GLYATL2: variants seen among roughly 807,000 people sequenced by gnomAD.
GLYATL2 encodes glycine N-acyltransferase-like protein 2.
In GLYATL2, 25 loss-of-function variants were observed where a neutral mutation model predicts 21.4. That is an observed-to-expected ratio of 1.17 (90% CI 0.85 to 1.63). The LOEUF (loss-of-function observed/expected upper bound fraction) is 1.63. Ranked by LOEUF, GLYATL2 falls within the 40% of genes most tolerant of loss-of-function variation. The pLI is 0.00. For synonymous variants in GLYATL2, 114 were observed against 118.2 expected, an observed-to-expected ratio of 0.96 and a Z score of 0.23; for missense variants, 361 against 343.3, an observed-to-expected ratio of 1.05 and a Z score of -0.41.
chr11:58,848,551 T>C (rs1185744346), upstream of GLYATL2, among the ~76,000 whole-genome samples: 1 of 152,178 alleles, frequency 6.6e-6, no homozygotes, highest in African/African-American at 2.4e-5. Context: ...AAAAATGCAA[T>C]TGTCATACTG....
intron 1 of GLYATL2, among the ~76,000 whole-genome samples, chr11:58,875,547 G>A (rs1258199173): frequency 6.6e-6 from 1 of 152,142 alleles, no homozygotes; most frequent in Non-Finnish European, 1.5e-5. Context: ...CTTCACTTAT[G>A]AAGCTTAGTT....
Position 58,891,314 on chromosome 11 carries a change from A to G in GLYATL2, n.60+12842T>C, listed in dbSNP as rs537340899. Among the ~76,000 whole-genome samples, 9 of 152,342 alleles carry G rather than the reference A, an allele frequency of 5.9e-5. No individual in the cohort carries two copies. The South Asian group carries it at 1.7e-3, about 28-fold the overall frequency. ...CTTGCCATGAAGTTTGTGGCTTACCAGAATGGGATCACAAGTCTCTTTCTT... is the reference window on the plus strand; with the variant it reads ...CTTGCCATGAAGTTTGTGGCTTACCGGAATGGGATCACAAGTCTCTTTCTT... On this transcript the variant is annotated intron_variant and non_coding_transcript_variant, in intron 1 of 4. Transcript: ENST00000533636.
Position 58,872,881 on chromosome 11 carries a change from G to A in GLYATL2, n.60+31275C>T, listed in dbSNP as rs185930611. Among the ~76,000 whole-genome samples, 717 of 152,272 alleles carry A rather than the reference G, an allele frequency of 4.7e-3. 6 individuals carry two copies. The highest frequency in any genetic ancestry group is 0.016 in the African/African-American group (681 of 41,550). ...ATCTATAAATTACCTTGGGCAGTAC[G>A]GCCATTTTCACGATATTGATTGTCC... On this transcript the variant is annotated intron_variant and non_coding_transcript_variant, in intron 1 of 4. Coordinates refer to the GLYATL2 transcript ENST00000533636.
At chr11:58,852,225 G>C (rs12792412) in intron 1 of GLYATL2, among the ~76,000 whole-genome samples, 135,730 of 152,182 alleles carry the variant, frequency 0.89, 61,564 homozygotes, top group Non-Finnish European at 0.98. Context: ...GAGATCGTAT[G>C]AGTCTCAATA....
chr11:58,886,791 G>A (rs1027731945), intron 1 of GLYATL2, among the ~76,000 whole-genome samples: 1 of 152,164 alleles, frequency 6.6e-6, no homozygotes, highest in Non-Finnish European at 1.5e-5. Flanking sequence ...CCAGCTTCAT[G>A]TGGGTATAGA....
chr11:58,863,750 T>A (rs1853974396), intron 1 of GLYATL2, among the ~76,000 whole-genome samples: 1 of 151,874 alleles, frequency 6.6e-6, no homozygotes, highest in Non-Finnish European at 1.5e-5. Context: ...GGAGACTAGG[T>A]CCACAAAGGC....
At chr11:58,900,803 G>T (rs1183711167) in intron 1 of GLYATL2, among the ~76,000 whole-genome samples, 5 of 151,628 alleles carry the variant, frequency 3.3e-5, no homozygotes, top group African/African-American at 1.2e-4. Flanking sequence ...GCTTGGGGGG[G>T]TGGTCAGCTT....
At chr11:58,878,945 A>T (rs600559) in intron 1 of GLYATL2, among the ~76,000 whole-genome samples, 1 of 152,098 alleles carries the variant, frequency 6.6e-6, no homozygotes, top group African/African-American at 2.4e-5. Flanking sequence ...TGGGCAGTAC[A>T]GGGTGTCAAC....
At chr11:58,898,105 T>G (rs933539678) in intron 1 of GLYATL2, among the ~76,000 whole-genome samples, 5 of 152,226 alleles carry the variant, frequency 3.3e-5, no homozygotes, top group Admixed American at 6.5e-5. Flanking sequence ...TATTTGTTTC[T>G]AATGCTCATA....
At chr11:58,886,253 A>G (rs955512429) in intron 1 of GLYATL2, among the ~76,000 whole-genome samples, 3 of 152,034 alleles carry the variant, frequency 2.0e-5, no homozygotes, top group Non-Finnish European at 4.4e-5. Flanking sequence ...CAGGGAAGGG[A>G]CTCAACGACT....
chr11:58,871,083 T>A (rs1854109894), intron 1 of GLYATL2, among the ~76,000 whole-genome samples: 2 of 152,110 alleles, frequency 1.3e-5, no homozygotes, highest in Non-Finnish European at 1.5e-5. Flanking sequence ...AGACTACAGG[T>A]GAAGCAGGAT....
intron 1 of GLYATL2, among the ~76,000 whole-genome samples, chr11:58,885,238 C>T (rs973785889): frequency 2.0e-5 from 3 of 152,302 alleles, no homozygotes; most frequent in Non-Finnish European, 4.4e-5. Flanking sequence ...ATCACAAGGA[C>T]ACCTATCTGT....
intron 1 of GLYATL2, among the ~76,000 whole-genome samples, chr11:58,900,549 G>C (rs1016543166): frequency 6.6e-6 from 1 of 152,142 alleles, no homozygotes; most frequent in African/African-American, 2.4e-5. Context: ...AAGCAACGCT[G>C]GCCTTACACC....
intron 1 of GLYATL2, chr11:58,892,956 T>TTG (rs879885645): frequency 1.0e-5 from 3 of 299,608 alleles, no homozygotes; most frequent in Non-Finnish European, 2.0e-5. Flanking sequence ...TGAATAAAGG[T>TTG]TGTCAATGGT....
intron 1 of GLYATL2, among the ~76,000 whole-genome samples, chr11:58,859,692 C>T (rs1353410682): frequency 6.6e-6 from 1 of 152,094 alleles, no homozygotes; most frequent in Non-Finnish European, 1.5e-5. Context: ...AATCATTGCC[C>T]CAACTAATAT....
intron 1 of GLYATL2, among the ~76,000 whole-genome samples, chr11:58,873,280 C>G (rs956617882): frequency 6.6e-6 from 1 of 151,534 alleles, no homozygotes; most frequent in Non-Finnish European, 1.5e-5. Flanking sequence ...CCTTTATTTC[C>G]TTCTCCTGCC....
intron 5 of GLYATL2, among the ~76,000 whole-genome samples, chr11:58,835,734 T>C (rs1029738516): frequency 1.3e-5 from 2 of 152,150 alleles, no homozygotes; most frequent in Non-Finnish European, 2.9e-5. Context: ...CTGTACCCTC[T>C]CCTGTGGATA....
chr11:58,907,248 G>A (rs1184797665), upstream of GLYATL2: 6 of 456,234 alleles, frequency 1.3e-5, no homozygotes, highest in South Asian at 3.1e-5. Context: ...CAGGTCACCC[G>A]CCAGGTTTGT....
intron 1 of GLYATL2, among the ~76,000 whole-genome samples, chr11:58,853,508 A>C (rs991927817): frequency 2.6e-5 from 4 of 152,116 alleles, no homozygotes; most frequent in African/African-American, 9.7e-5. Flanking sequence ...ATACTGAGGG[A>C]CGACTGTAGT....
Sources: gnomAD v4.1 joint callset for allele counts (sites outside exome capture counted in the v4.1 genomes callset) on GRCh38, gnomAD v4.1.1 for gene constraint, MANE v1.5 for transcripts, NCBI Gene and HGNC (gene_info 2026-07-23, HGNC 2026-07-21) for gene names.